The following ARHGAP12 variants were observed in gnomAD, a reference collection of about 807,000 sequenced individuals.
ARHGAP12 encodes the protein Rho GTPase activating protein 12.
Under a neutral mutation model 108.6 loss-of-function variants are expected in ARHGAP12, and 64 were observed. The ratio of observed to expected loss-of-function variants is 0.59; its 90% confidence interval spans 0.48 to 0.73. The LOEUF (loss-of-function observed/expected upper bound fraction) is 0.73, where lower values mean the gene tolerates loss of function less well. Ranked by LOEUF, ARHGAP12 falls within the 30% of genes least tolerant of loss-of-function variation. The pLI is 0.00. For missense variants in ARHGAP12, 940 were observed against 1,005.9 expected, an observed-to-expected ratio of 0.93 and a Z score of 0.89; for synonymous variants, 312 against 337.2, an observed-to-expected ratio of 0.93 and a Z score of 0.82.
chr10:31,913,681 A>T (rs1216468259), intron 1 of ARHGAP12: 1 of 154,264 alleles, frequency 6.5e-6, no homozygotes, highest in East Asian at 1.9e-4. Context: ...AAAAGCAAGA[A>T]AAAGAAGAAA....
At chr10:31,830,105 T>C (rs1014632821) in intron 10 of ARHGAP12, among the ~76,000 whole-genome samples, 5 of 152,194 alleles carry the variant, frequency 3.3e-5, no homozygotes, top group African/African-American at 1.2e-4. Flanking sequence ...CAATTTGTAA[T>C]AGGTATTTTT....
intron 1 of ARHGAP12, among the ~76,000 whole-genome samples, chr10:31,923,549 G>T (rs909788224): frequency 2.6e-5 from 4 of 152,080 alleles, no homozygotes; most frequent in Admixed American, 6.5e-5. Context: ...ATCAACAATT[G>T]AATAAACTAA....
intron 3 of ARHGAP12, among the ~76,000 whole-genome samples, chr10:31,900,959 T>A (rs189873849): frequency 6.6e-6 from 1 of 152,270 alleles, no homozygotes; most frequent in Non-Finnish European, 1.5e-5. Flanking sequence ...CTCAAGCCTG[T>A]AATCCCAGCA....
At chr10:31,922,689 C>T (rs1839871959) in intron 1 of ARHGAP12, among the ~76,000 whole-genome samples, 1 of 152,038 alleles carries the variant, frequency 6.6e-6, no homozygotes, top group Admixed American at 6.6e-5. Flanking sequence ...ACAAAGAAAA[C>T]TGGCCCAGGC....
intron 7 of ARHGAP12, 87 bp from the exon 8 acceptor site, chr10:31,839,798 G>T: frequency 9.6e-7 from 1 of 1,043,862 alleles, no homozygotes; most frequent in Non-Finnish European, 1.3e-6. Context: ...CTTAGTAAGA[G>T]AGAATAACAA....
intron 6 of ARHGAP12, among the ~76,000 whole-genome samples, chr10:31,844,291 GCAGA>G (rs751754255): frequency 2.6e-5 from 4 of 152,154 alleles, no homozygotes; most frequent in Admixed American, 6.5e-5. Context: ...TTCCTACTCT[GCAGA>G]CAAAGATATT....
At chr10:31,925,237 C>T (rs1051449177) in intron 1 of ARHGAP12, among the ~76,000 whole-genome samples, 1 of 152,186 alleles carries the variant, frequency 6.6e-6, no homozygotes, top group African/African-American at 2.4e-5. Flanking sequence ...CAATACTGGC[C>T]ACCATCCTGC....
intron 3 of ARHGAP12, among the ~76,000 whole-genome samples, chr10:31,862,036 A>C (rs1474669046): frequency 2.6e-5 from 4 of 152,202 alleles, no homozygotes; most frequent in Non-Finnish European, 5.9e-5. Context: ...TAAACCACCA[A>C]GGTCTTTTTT....
At chr10:31,823,432 C>T (rs1835487113) in intron 11 of ARHGAP12, among the ~76,000 whole-genome samples, 1 of 151,332 alleles carries the variant, frequency 6.6e-6, no homozygotes, top group South Asian at 2.1e-4. Context: ...TGCATGCAGC[C>T]TACGTGCATT....
At chr10:31,924,460 A>C (rs1411845372) in intron 1 of ARHGAP12, among the ~76,000 whole-genome samples, 1 of 152,214 alleles carries the variant, frequency 6.6e-6, no homozygotes, top group African/African-American at 2.4e-5. Context: ...AGGAAGCAAA[A>C]GCTGTAATAG....
At chr10:31,915,823 C>A (rs1267143594) in intron 1 of ARHGAP12, among the ~76,000 whole-genome samples, 1 of 151,846 alleles carries the variant, frequency 6.6e-6, no homozygotes, top group Non-Finnish European at 1.5e-5. Context: ...CAGATAAATT[C>A]TCTGAAAAAA....
At chr10:31,927,243 C>G (rs1294350257) in intron 1 of ARHGAP12, among the ~76,000 whole-genome samples, 1 of 40,034 alleles carries the variant, frequency 2.5e-5, no homozygotes, top group Non-Finnish European at 5.0e-5. Context: ...TAAAAATAGC[C>G]AAAATGCCTA....
chr10:31,877,561 A>G (rs1837778275), intron 3 of ARHGAP12, among the ~76,000 whole-genome samples: 1 of 152,228 alleles, frequency 6.6e-6, no homozygotes, highest in Admixed American at 6.5e-5. Flanking sequence ...TCTCCACAAA[A>G]CACATTTAAA....
At chr10:31,898,220 A>G (rs1053765613) in intron 3 of ARHGAP12, among the ~76,000 whole-genome samples, 4 of 152,186 alleles carry the variant, frequency 2.6e-5, no homozygotes, top group African/African-American at 7.2e-5. Flanking sequence ...TTACAACTCA[A>G]TAATAAGGCA....
intron 11 of ARHGAP12, among the ~76,000 whole-genome samples, chr10:31,825,178 C>A (rs997822258): frequency 9.9e-5 from 15 of 152,198 alleles, no homozygotes; most frequent in Non-Finnish European, 2.2e-4. Flanking sequence ...TTTTAGGTTT[C>A]CTCATCAGAG....
At chr10:31,928,336 G>C (rs1160576786) in intron 1 of ARHGAP12, among the ~76,000 whole-genome samples, 1 of 151,948 alleles carries the variant, frequency 6.6e-6, no homozygotes, top group Non-Finnish European at 1.5e-5. Context: ...CTCCTCCCTG[G>C]GGGCGGGGCG....
intron 3 of ARHGAP12, among the ~76,000 whole-genome samples, chr10:31,901,968 T>A (rs1838946584): frequency 6.6e-6 from 1 of 152,188 alleles, no homozygotes; most frequent in Non-Finnish European, 1.5e-5. Flanking sequence ...GATCCTTAAC[T>A]TAATCACAAC....
At chr10:31,883,951 G>C (rs1434394337) in intron 3 of ARHGAP12, among the ~76,000 whole-genome samples, 1 of 151,860 alleles carries the variant, frequency 6.6e-6, no homozygotes, top group Non-Finnish European at 1.5e-5. Flanking sequence ...CTGAGCTCAA[G>C]TAATCCACCC....
At chr10:31,830,851 TTC>T (rs1835805200) in intron 10 of ARHGAP12, among the ~76,000 whole-genome samples, 1 of 152,348 alleles carries the variant, frequency 6.6e-6, no homozygotes, top group East Asian at 1.9e-4. Flanking sequence ...AAATATCATT[TTC>T]TCTCTTCTCT....
Sources: gnomAD v4.1 joint callset for allele counts (sites outside exome capture counted in the v4.1 genomes callset) on GRCh38, gnomAD v4.1.1 for gene constraint, MANE v1.5 for transcripts, NCBI Gene and HGNC (gene_info 2026-07-23, HGNC 2026-07-21) for gene names.